TMEM150C: variants seen among roughly 807,000 people sequenced by gnomAD.
TMEM150C encodes transmembrane protein 150C, also known as tentonin 3.
In TMEM150C, 10 loss-of-function variants were observed where a neutral mutation model predicts 29.9. The ratio of observed to expected loss-of-function variants is 0.33; its 90% CI spans 0.21 to 0.57. TMEM150C has a LOEUF of 0.57. Among genes scored for constraint, TMEM150C ranks in the 20% least tolerant of loss-of-function variants. The pLI is 0.88. For missense variants in TMEM150C, 251 were observed against 303.6 expected (o/e 0.83, Z 1.29); for synonymous variants, 101 against 112.5 (o/e 0.90, Z 0.64).
At chr4:82,543,417 G>A (rs1029381938) in intron 1 of TMEM150C, among the ~76,000 whole-genome samples, 2 of 152,132 alleles carry the variant, frequency 1.3e-5, no homozygotes, top group African/African-American at 4.8e-5. Flanking sequence ...CAAGCATACA[G>A]CCAATATAGC....
intron 1 of TMEM150C, among the ~76,000 whole-genome samples, chr4:82,519,528 T>C (rs1313849471): frequency 2.0e-5 from 3 of 151,986 alleles, no homozygotes; most frequent in Non-Finnish European, 1.5e-5. Context: ...CAGGATCAAG[T>C]GATTCTCCTG....
At chr4:82,507,225 G>A (rs1187601052) in intron 1 of TMEM150C, among the ~76,000 whole-genome samples, 2 of 152,136 alleles carry the variant, frequency 1.3e-5, no homozygotes, top group Non-Finnish European at 2.9e-5. Flanking sequence ...GTTAACTATT[G>A]TTACAACAGA....
At chr4:82,498,241 C>G (rs1418249287) in intron 5 of TMEM150C, among the ~76,000 whole-genome samples, 1 of 151,782 alleles carries the variant, frequency 6.6e-6, no homozygotes, top group East Asian at 1.9e-4. Context: ...TCTTGAACTC[C>G]TGACCTCAGG....
intron 1 of TMEM150C, among the ~76,000 whole-genome samples, chr4:82,525,893 A>C (rs568009236): frequency 6.6e-6 from 1 of 152,182 alleles, no homozygotes; most frequent in East Asian, 1.9e-4. Context: ...AAAAAAAAAA[A>C]CATTTTCTTT....
chr4:82,502,683 G>C, intron 5 of TMEM150C, 44 bp downstream of exon 5: 1 of 1,552,408 alleles, frequency 6.4e-7, no homozygotes, highest in African/African-American at 1.4e-5. Flanking sequence ...AAATACAAAA[G>C]AAATGTACCA....
intron 1 of TMEM150C, among the ~76,000 whole-genome samples, chr4:82,519,037 G>C (rs1724389632): frequency 6.6e-6 from 1 of 152,194 alleles, no homozygotes; most frequent in South Asian, 2.1e-4. Context: ...AGCATTCTCA[G>C]TGTGTCTGAA....
intron 1 of TMEM150C, among the ~76,000 whole-genome samples, chr4:82,524,185 G>A (rs1001370500): frequency 1.3e-4 from 19 of 151,686 alleles, no homozygotes; most frequent in Admixed American, 1.3e-4. Context: ...GGAGAATGGC[G>A]TGAACCCGGG....
At chr4:82,512,481 G>T (rs1724158126) in intron 1 of TMEM150C, among the ~76,000 whole-genome samples, 1 of 152,188 alleles carries the variant, frequency 6.6e-6, no homozygotes, top group Non-Finnish European at 1.5e-5. Context: ...TCGGTAAGCG[G>T]CTGCTCGCCT....
chr4:82,504,709 TTTAC>T, intron 1 of TMEM150C, 42 bp from the exon 2 acceptor site: 1 of 1,505,666 alleles, frequency 6.6e-7, no homozygotes, highest in Non-Finnish European at 9.2e-7. Context: ...AGGCAAAACA[TTTAC>T]TTCACTCTTT....
chr4:82,543,430 G>A (rs543293953), intron 1 of TMEM150C, among the ~76,000 whole-genome samples: 2 of 152,282 alleles, frequency 1.3e-5, no homozygotes, highest in South Asian at 2.1e-4. Context: ...AATATAGCAG[G>A]TGATTAGGCC....
rs1468239728 is a variant in TMEM150C, at chr4:82,502,743, G to A, written c.219C>T (p.Asn73=). Residue 73 remains asparagine (N), a synonymous_variant, in exon 5 of 8, where the codon AAC becomes AAT. Coordinates refer to ENST00000449862, the MANE Select transcript of TMEM150C (RefSeq NM_001080506.3). ...TCTTCTTACCTAGGAAGGCTGCCATGTTCATAACTTGACTAAACACACAGC... is the reference window on the plus strand; with the variant it reads ...TCTTCTTACCTAGGAAGGCTGCCATATTCATAACTTGACTAAACACACAGC... ...PASCVFSQVM[N]MAAFLALVVA... 6.2e-7 allele frequency: 1 copy of A among 1,610,048 alleles called. No individual in the cohort carries two copies. The highest frequency in any genetic ancestry group is 1.1e-5 in the South Asian group (1 of 90,026).
At chr4:82,555,285 GTAAA>G (rs1393862172) in intron 1 of TMEM150C, among the ~76,000 whole-genome samples, 1 of 152,196 alleles carries the variant, frequency 6.6e-6, no homozygotes, top group Non-Finnish European at 1.5e-5. Context: ...TTAGGATGTA[GTAAA>G]TAGTGGTAGA....
At chr4:82,549,701 C>T (rs1476308559) in intron 1 of TMEM150C, among the ~76,000 whole-genome samples, 1 of 152,166 alleles carries the variant, frequency 6.6e-6, no homozygotes, top group Non-Finnish European at 1.5e-5. Context: ...AACTTTTTCA[C>T]TTCTTTTTGT....
In TMEM150C at chr4:82,502,882, A is replaced by C; in HGVS notation, c.167+13T>G. 3 of 1,598,028 alleles carry C rather than the reference A, an allele frequency of 1.9e-6. No homozygotes were observed. Among genetic ancestry groups the C allele is most frequent in the Non-Finnish European group, 1.7e-6 (2 of 1,171,606 alleles). On this transcript the variant is annotated intron_variant, in intron 4 of 7. Transcript: ENST00000449862. ...CTACGGTCCCACAGGACAGAAGAGA[A>C]TTGCTGGGTTACCTTATATATGGTG...
intron 1 of TMEM150C, among the ~76,000 whole-genome samples, chr4:82,543,900 G>C (rs1198115390): frequency 6.6e-6 from 1 of 152,068 alleles, no homozygotes; most frequent in Non-Finnish European, 1.5e-5. Context: ...TTTTCCTTCT[G>C]TCCCTTCAAT....
In TMEM150C at chr4:82,555,407, C is replaced by CA. The variant is rs576467898; in HGVS notation, c.-11+6498dup. Among the ~76,000 whole-genome samples the CA allele has an allele frequency of 1.1e-4, 17 of 152,254 alleles. No individual in the cohort carries two copies. In the East Asian group the frequency reaches 3.1e-3, roughly 28 times the overall value. ...GAGGGAAGGAAGACAGCTCTGGAGACAAAATCTGTAGTCAGTCTCTGGGAC... is the reference window on the plus strand; with the variant it reads ...GAGGGAAGGAAGACAGCTCTGGAGACAAAAATCTGTAGTCAGTCTCTGGGAC... On this transcript the variant is annotated intron_variant, in intron 1 of 7. Transcript: ENST00000449862.
intron 1 of TMEM150C, among the ~76,000 whole-genome samples, chr4:82,524,724 G>A (rs989353285): frequency 3.2e-4 from 49 of 152,188 alleles, no homozygotes; most frequent in African/African-American, 1.1e-3. Context: ...ACACAATTAC[G>A]TAATCACGAA....
Position 82,485,478 on chromosome 4 carries a change from C to T in TMEM150C, c.*33G>A. ...CCTACTGGCCCCTCCCCCACTGTCA[C>T]ACCCACCTCACCAGCAAGGAAAAAC... On this transcript the variant is annotated 3_prime_UTR_variant, in exon 8 of 8. Coordinates refer to ENST00000449862, the MANE Select transcript of TMEM150C (RefSeq NM_001080506.3). 6.5e-7 allele frequency: 1 copy of T among 1,550,222 alleles called. No homozygotes were observed. Among genetic ancestry groups the T allele is most frequent in the Non-Finnish European group, 8.8e-7 (1 of 1,141,352 alleles).
intron 5 of TMEM150C, among the ~76,000 whole-genome samples, chr4:82,502,292 G>T (rs1431869846): frequency 1.3e-5 from 2 of 151,908 alleles, no homozygotes; most frequent in Non-Finnish European, 2.9e-5. Context: ...TGCTGATGTT[G>T]ACCTTTAGGT....
Sources: allele counts gnomAD v4.1 joint callset (sites outside exome capture counted in the v4.1 genomes callset), GRCh38; gene constraint gnomAD v4.1.1; transcripts MANE v1.5; gene names NCBI Gene and HGNC (gene_info 2026-07-23, HGNC 2026-07-21).